ROBO2: variants seen among roughly 807,000 people sequenced by gnomAD.
The protein encoded by ROBO2 is roundabout homolog 2.
Under a neutral mutation model 160.8 loss-of-function variants are expected in ROBO2, and 53 were observed. The ratio of observed to expected loss-of-function variants is 0.33; its 90% CI spans 0.26 to 0.41. ROBO2 has a LOEUF of 0.41. ROBO2 is among the 10% of genes least tolerant of loss of function. ROBO2 has a pLI of 1.00. For synonymous variants in ROBO2, 664 were observed against 611.7 expected (o/e 1.09, Z -1.26); for missense variants, 1,577 against 1,722.4 (o/e 0.92, Z 1.49).
At chr3:76,075,470 C>CTTTTT (rs1192962570) in intron 2 of ROBO2, among the ~76,000 whole-genome samples, 3 of 76,892 alleles carry the variant, frequency 3.9e-5, no homozygotes, top group African/African-American at 2.2e-4. Context: ...AAGACTTTTC[C>CTTTTT]TATTTTTTTT....
intron 2 of ROBO2, among the ~76,000 whole-genome samples, chr3:77,404,530 A>T (rs1193051498): frequency 6.6e-6 from 1 of 152,160 alleles, no homozygotes; most frequent in East Asian, 1.9e-4. Context: ...TGTTTTTATT[A>T]TGAAAAGATG....
chr3:77,340,035 C>T (rs1315451836), intron 2 of ROBO2, among the ~76,000 whole-genome samples: 1 of 152,052 alleles, frequency 6.6e-6, no homozygotes, highest in African/African-American at 2.4e-5. Flanking sequence ...TAATTTCCAC[C>T]CTGGCCCTTT....
chr3:76,295,021 C>T, intron 2 of ROBO2, among the ~76,000 whole-genome samples: 1 of 152,198 alleles, frequency 6.6e-6, no homozygotes, highest in Middle Eastern at 3.4e-3. Context: ...ATGGGACATT[C>T]TCATTTAGCA....
At chr3:76,560,464 T>C (rs1280661288) in intron 2 of ROBO2, among the ~76,000 whole-genome samples, 1 of 151,992 alleles carries the variant, frequency 6.6e-6, no homozygotes, top group Non-Finnish European at 1.5e-5. Context: ...AAATGGGATG[T>C]AAGCAGCTCA....
intron 2 of ROBO2, among the ~76,000 whole-genome samples, chr3:76,201,911 A>C (rs997038299): frequency 6.3e-5 from 8 of 126,468 alleles, no homozygotes. Context: ...AAAAAAAAAA[A>C]GAGATTTAAA....
At chr3:76,378,017 C>T (rs903340424) in intron 2 of ROBO2, among the ~76,000 whole-genome samples, 1 of 152,098 alleles carries the variant, frequency 6.6e-6, no homozygotes, top group Non-Finnish European at 1.5e-5. Flanking sequence ...TCTGTCAGTG[C>T]CTCCTTATTA....
Position 76,095,079 on chromosome 3 carries a change from C to G in ROBO2, c.109+157477C>G, listed in dbSNP as rs112897764. ...AGGAAAAAGCGATATGGAAGACACA[C>G]TAAAAAAGCTCTCTTTTAATTTTGG... On this transcript the variant is annotated intron_variant, in intron 2 of 26. Transcript: ENST00000487694. Among the ~76,000 whole-genome samples the G allele has an allele frequency of 1.6e-4, 25 of 152,146 alleles. 1 individual carries two copies. The highest frequency in any genetic ancestry group is 5.8e-4 in the African/African-American group (24 of 41,514).
chr3:76,430,648 T>G (rs2076398728), intron 2 of ROBO2, among the ~76,000 whole-genome samples: 2 of 152,112 alleles, frequency 1.3e-5, no homozygotes, highest in South Asian at 4.1e-4. Context: ...TTTCCCTGGA[T>G]GGAGCCTGTG....
chr3:76,460,151 A>G (rs140545406), intron 2 of ROBO2, among the ~76,000 whole-genome samples: 185 of 152,256 alleles, frequency 1.2e-3, no homozygotes, highest in Non-Finnish European at 2.2e-3. Context: ...TTTATAAAAA[A>G]AAACTGAGCA....
chr3:76,457,751 G>A (rs1331886355), intron 2 of ROBO2, among the ~76,000 whole-genome samples: 7 of 152,300 alleles, frequency 4.6e-5, no homozygotes, highest in East Asian at 3.9e-4. Context: ...AAATCTAGGC[G>A]GAGGTTCCCA....
chr3:76,154,161 C>T (rs529681934), intron 2 of ROBO2, among the ~76,000 whole-genome samples: 16 of 152,120 alleles, frequency 1.1e-4, no homozygotes, highest in African/African-American at 2.9e-4. Flanking sequence ...AAATCAGAAC[C>T]GCGCTTTGGT....
At chr3:76,635,302 A>T (rs1238134305) in intron 2 of ROBO2, among the ~76,000 whole-genome samples, 1 of 152,242 alleles carries the variant, frequency 6.6e-6, no homozygotes, top group East Asian at 1.9e-4. Context: ...ATGTACATAC[A>T]CATAGATAAG....
chr3:77,268,860 G>A (rs180816813), intron 2 of ROBO2, among the ~76,000 whole-genome samples: 2 of 152,138 alleles, frequency 1.3e-5, no homozygotes, highest in Non-Finnish European at 2.9e-5. Context: ...AAGACCACAG[G>A]TTTCACCAGT....
At chr3:77,103,612 A>G (rs1237263310) in intron 2 of ROBO2, among the ~76,000 whole-genome samples, 1 of 152,008 alleles carries the variant, frequency 6.6e-6, no homozygotes, top group African/African-American at 2.4e-5. Flanking sequence ...CAGGATGATT[A>G]TTTTTTCTTT....
At chr3:77,364,395 C>T (rs1351558403) in intron 2 of ROBO2, among the ~76,000 whole-genome samples, 1 of 152,052 alleles carries the variant, frequency 6.6e-6, no homozygotes, top group Non-Finnish European at 1.5e-5. Flanking sequence ...CCACAGTGAT[C>T]ATATATAGCT....
intron 2 of ROBO2, among the ~76,000 whole-genome samples, chr3:76,685,572 G>A (rs773118284): frequency 2.0e-5 from 3 of 151,942 alleles, no homozygotes; most frequent in Non-Finnish European, 4.4e-5. Flanking sequence ...CCCTTCTGCA[G>A]TTTTATTTCA....
intron 2 of ROBO2, among the ~76,000 whole-genome samples, chr3:76,390,941 A>C (rs2077120278): frequency 1.3e-5 from 2 of 152,188 alleles, no homozygotes; most frequent in African/African-American, 4.8e-5. Flanking sequence ...TAAATAAAAC[A>C]AGGTAATTTT....
At chr3:76,290,233 C>T (rs1708737360) in intron 2 of ROBO2, among the ~76,000 whole-genome samples, 1 of 152,056 alleles carries the variant, frequency 6.6e-6, no homozygotes, top group South Asian at 2.1e-4. Context: ...TTGTAATTCT[C>T]ATTGTAGAGA....
At chr3:77,523,021 G>T in intron 6 of ROBO2, 119 bp downstream of exon 6, 1 of 1,153,270 alleles carries the variant, frequency 8.7e-7, no homozygotes, top group Admixed American at 1.8e-5. Context: ...AAAATGCCTA[G>T]ATTTTGTGTC....
Sources: allele counts gnomAD v4.1 joint callset (sites outside exome capture counted in the v4.1 genomes callset), GRCh38; gene constraint gnomAD v4.1.1; transcripts MANE v1.5; gene names NCBI Gene and HGNC (gene_info 2026-07-23, HGNC 2026-07-21).